Variants in WASHC5 observed in about 807,000 individuals in gnomAD.
WASHC5 encodes the protein WASH complex subunit 5.
A neutral mutation model predicts 150.4 loss-of-function variants in WASHC5; 101 were observed. The observed-to-expected ratio is 0.67, with a 90% CI of 0.57 to 0.79. WASHC5 has a LOEUF of 0.79. Among genes scored for constraint, WASHC5 ranks in the 30% least tolerant of loss-of-function variants. The probability of loss-of-function intolerance (pLI) is 0.00; values close to 1 mark genes in which losing one functional copy is unlikely to be tolerated. For missense variants in WASHC5, 1,195 were observed against 1,396.3 expected, an observed-to-expected ratio of 0.86 and a Z score of 2.30; for synonymous variants, 467 against 491.2, an observed-to-expected ratio of 0.95 and a Z score of 0.65.
Position 125,024,553 on chromosome 8 carries a change from A to C in WASHC5, c.*64T>G. On this transcript the variant is annotated 3_prime_UTR_variant, in exon 29 of 29. Transcript: ENST00000318410. ...GCAACTGAGTTTCTTTTCATCTTCA[A>C]ATTCATTTGTGATGGTGGGAAGATC... 1 of 1,255,870 alleles carries C rather than the reference A, an allele frequency of 8.0e-7. No homozygotes were observed. Among genetic ancestry groups the C allele is most frequent in the Non-Finnish European group, 1.2e-6 (1 of 853,828 alleles). The allele number at this position is 1,255,870 out of a possible 1,614,324, so 77.8% of individuals were successfully genotyped here.
intron 26 of WASHC5, 136 bp from the exon 27 acceptor site, chr8:125,032,530 T>C: frequency 1.0e-6 from 1 of 990,392 alleles, no homozygotes; most frequent in East Asian, 2.5e-5. Flanking sequence ...GGAATGACAA[T>C]TCTGGGCCAT....
chr8:125,081,497 C>G (rs1415851832), intron 5 of WASHC5, among the ~76,000 whole-genome samples, 164 bp downstream of exon 5: 1 of 152,144 alleles, frequency 6.6e-6, no homozygotes, highest in African/African-American at 2.4e-5. Flanking sequence ...CTTGGCCTCC[C>G]AAAAGTGTTG....
chr8:125,029,677 C>G (rs536573047), intron 27 of WASHC5, among the ~76,000 whole-genome samples: 29 of 152,190 alleles, frequency 1.9e-4, no homozygotes, highest in Non-Finnish European at 3.2e-4. Flanking sequence ...TGTTCCAGAG[C>G]TGGGAATACA....
intron 22 of WASHC5, 38 bp from the exon 23 acceptor site, chr8:125,043,942 C>T (rs770055248): frequency 3.4e-5 from 53 of 1,573,392 alleles, no homozygotes; most frequent in Middle Eastern, 1.7e-4. Context: ...TTAGTACATT[C>T]GTAAAGGCTA....
rs559164219 is a variant in WASHC5, at chr8:125,085,383, A to G, written c.-124-1361T>C. On this transcript the variant is annotated intron_variant, in intron 1 of 28. Coordinates refer to ENST00000318410, the MANE Select transcript of WASHC5 (RefSeq NM_014846.4). ...GTATGTAACACTTAAAAACTTTTCC[A>G]TGGTAAATGACTTAGAAGATGGATT... Among the ~76,000 whole-genome samples the G allele has an allele frequency of 4.1e-4, 63 of 152,342 alleles. 1 individual carries two copies. The highest frequency in any genetic ancestry group is 3.4e-3 in the Middle Eastern group (1 of 294).
At chr8:125,090,155 A>T (rs755471327) in intron 1 of WASHC5, among the ~76,000 whole-genome samples, 2 of 152,248 alleles carry the variant, frequency 1.3e-5, no homozygotes, top group Non-Finnish European at 2.9e-5. Context: ...AGACCTCCTA[A>T]CCCGGACTAG....
intron 12 of WASHC5, 103 bp downstream of exon 12, chr8:125,060,979 G>A: frequency 4.2e-6 from 3 of 714,456 alleles, no homozygotes; most frequent in African/African-American, 1.7e-5. Context: ...TTTTACTTCT[G>A]ATGAAATAGT....
intron 10 of WASHC5, among the ~76,000 whole-genome samples, chr8:125,064,385 ATT>A (rs36114959): frequency 3.4e-4 from 47 of 138,008 alleles, no homozygotes; most frequent in African/African-American, 5.0e-4. Flanking sequence ...TTATTTATTT[ATT>A]TTTTTTTTTT....
Position 125,024,586 on chromosome 8 carries a change from A to G in WASHC5, c.*31T>C. 1 of 1,517,526 alleles carries G rather than the reference A, an allele frequency of 6.6e-7. No homozygotes were observed. Among genetic ancestry groups the G allele is most frequent in the Non-Finnish European group, 9.2e-7 (1 of 1,092,092 alleles). The allele number at this position is 1,517,526 out of a possible 1,614,324, so 94.0% of individuals were successfully genotyped here. A position where few individuals can be genotyped will look rare whatever the true frequency, so the allele number is the denominator to read the frequency against. On this transcript the variant is annotated 3_prime_UTR_variant, in exon 29 of 29. Coordinates refer to ENST00000318410, the MANE Select transcript of WASHC5 (RefSeq NM_014846.4). ...TGTGATGGTGGGAAGATCTAAGGAC[A>G]ATCCTTCCATTGAAGAAGTAGGAAA... is the stretch of plus-strand genomic sequence containing the variant.
At chr8:125,057,143 C>T (rs896875575) in intron 15 of WASHC5, among the ~76,000 whole-genome samples, 1 of 152,180 alleles carries the variant, frequency 6.6e-6, no homozygotes, top group Non-Finnish European at 1.5e-5. Context: ...TGAATTCAGG[C>T]TGGTCTGGCT....
chr8:125,060,485 C>CAAAAAAAAAA (rs58207257), intron 12 of WASHC5, among the ~76,000 whole-genome samples: 10 of 130,168 alleles, frequency 7.7e-5, no homozygotes, highest in African/African-American at 2.7e-4. Context: ...GATTCCGTCT[C>CAAAAAAAAAA]AAAAAAAAAA....
intron 5 of WASHC5, among the ~76,000 whole-genome samples, chr8:125,080,025 G>A (rs954628035): frequency 3.9e-5 from 6 of 152,130 alleles, no homozygotes; most frequent in Admixed American, 2.6e-4. Flanking sequence ...TCCTTCTACA[G>A]AGATCTAATA....
At position 125,044,009 on chromosome 8, in the gene WASHC5, G is replaced by A. The variant is rs764878417; in HGVS notation, c.2753C>T (p.Pro918Leu). 5.0e-6 allele frequency: 8 copies of A among 1,612,968 alleles called. No individual in the cohort carries two copies. The highest frequency in any genetic ancestry group is 2.2e-5 in the South Asian group (2 of 91,042). ...TLKTLMNAVS[P>L]LKSIVANSNK... ...ACACTCACCGACAATACTTTTTAGG[G>A]GACTGACAGCATTCATGAGGGTTTT... Residue 918 changes from proline (P) to leucine (L), a missense_variant, in exon 22 of 29, where the codon CCC (proline) becomes CTC (leucine). This residue lies in a region of WASHC5 where 997 missense variants were observed against 1,168.1 expected (regional missense o/e 0.85). Coordinates refer to ENST00000318410, the MANE Select transcript of WASHC5 (RefSeq NM_014846.4).
In WASHC5 at chr8:125,047,282, T is replaced by C. The variant is rs780468544; in HGVS notation, c.2429A>G (p.Lys810Arg). The C allele has an allele frequency of 6.2e-7, 1 of 1,613,998 alleles. No individual in the cohort carries two copies. Among genetic ancestry groups the C allele is most frequent in the East Asian group, 2.2e-5 (1 of 44,884 alleles). The change falls in exon 20 of 29, where the codon AAG (lysine) becomes AGG (arginine). Residue 810 changes from lysine (K) to arginine (R), a missense_variant. Around this residue, in one of 3 missense-constraint regions of WASHC5, gnomAD observed 997 missense variants for 1,168.1 expected, o/e 0.85. Coordinates refer to ENST00000318410, the MANE Select transcript of WASHC5 (RefSeq NM_014846.4). Reference sequence around the variant, plus strand: ...TACAGACTCATCCACAGGGGTAAACTTGGGTATTGGAATATGAGTGGACTG... The same window carrying C: ...TACAGACTCATCCACAGGGGTAAACCTGGGTATTGGAATATGAGTGGACTG... Reference protein sequence around the residue: ...MYQSTHIPIPKFTPVDESVTF... With the variant: ...MYQSTHIPIPRFTPVDESVTF...
At chr8:125,075,763 T>C (rs1374576131) in intron 7 of WASHC5, among the ~76,000 whole-genome samples, 1 of 152,252 alleles carries the variant, frequency 6.6e-6, no homozygotes, top group African/African-American at 2.4e-5. Context: ...ATCTGCTACA[T>C]GCGAATATAA....
At chr8:125,076,533 G>C (rs746735230) in intron 6 of WASHC5, 33 bp from the exon 7 acceptor site, 2 of 1,611,790 alleles carry the variant, frequency 1.2e-6, no homozygotes, top group Admixed American at 3.3e-5. Context: ...CGAGAAAGCT[G>C]TTGGCAACAT....
Position 125,044,521 on chromosome 8 carries a change from A to G in WASHC5, c.2667+15T>C. On this transcript the variant is annotated intron_variant, in intron 21 of 28. Transcript: ENST00000318410. ...CAGGGTGGCAGAAAACAGGCATGAAAGTCAAAAGGCTCACCTGTAACTCTT... is the reference window on the plus strand; with the variant it reads ...CAGGGTGGCAGAAAACAGGCATGAAGGTCAAAAGGCTCACCTGTAACTCTT... 6.2e-7 allele frequency: 1 copy of G among 1,613,802 alleles called. No individual in the cohort carries two copies. The highest frequency in any genetic ancestry group is 8.5e-7 in the Non-Finnish European group (1 of 1,179,712).
At chr8:125,029,188 T>A (rs1815458081) in intron 27 of WASHC5, among the ~76,000 whole-genome samples, 1 of 152,160 alleles carries the variant, frequency 6.6e-6, no homozygotes, top group Admixed American at 6.5e-5. Flanking sequence ...CACGCCAGCA[T>A]GCCTGGCTAA....
chr8:125,084,054 A>G (rs1586391102), intron 1 of WASHC5, 32 bp from the exon 2 acceptor site: 4 of 727,950 alleles, frequency 5.5e-6, no homozygotes, highest in Middle Eastern at 3.6e-4. Flanking sequence ...GAAAATCTCA[A>G]TTTGTTTAAG....
Sources: gnomAD v4.1 joint callset for allele counts (sites outside exome capture counted in the v4.1 genomes callset) on GRCh38, gnomAD v4.1.1 for gene constraint, gnomAD v4.1.1 regional missense constraint, MANE v1.5 for transcripts, NCBI Gene and HGNC (gene_info 2026-07-23, HGNC 2026-07-21) for gene names.